USP3: variants seen among roughly 807,000 people sequenced by gnomAD.
The protein encoded by USP3 is ubiquitin carboxyl-terminal hydrolase 3.
A neutral mutation model predicts 72.3 loss-of-function variants in USP3; 20 were observed. The observed-to-expected ratio is 0.28, with a 90% confidence interval of 0.19 to 0.40. The LOEUF is 0.40. Ranked by LOEUF, USP3 falls within the 10% of genes least tolerant of loss-of-function variation. The pLI is 1.00. For missense variants in USP3, 479 were observed against 633.9 expected (o/e 0.76, Z 2.62); for synonymous variants, 222 against 225.3 (o/e 0.99, Z 0.13).
intron 3 of USP3, among the ~76,000 whole-genome samples, chr15:63,545,392 T>C (rs2152665746): frequency 6.6e-6 from 1 of 152,316 alleles, no homozygotes; most frequent in South Asian, 2.1e-4. Flanking sequence ...AGTTTAAAAC[T>C]ACTTTATGAT....
At chr15:63,581,643 C>T (rs1378226301) in intron 11 of USP3, among the ~76,000 whole-genome samples, 1 of 150,702 alleles carries the variant, frequency 6.6e-6, no homozygotes, top group Non-Finnish European at 1.5e-5. Flanking sequence ...GATCCACCTG[C>T]CTCGGCCTCC....
chr15:63,516,546 A>G (rs759341853), intron 1 of USP3, among the ~76,000 whole-genome samples: 1 of 151,836 alleles, frequency 6.6e-6, no homozygotes, highest in Non-Finnish European at 1.5e-5. Context: ...TTTTTATTTT[A>G]CCTTTATACT....
intron 3 of USP3, 126 bp downstream of exon 3, chr15:63,537,282 A>C: frequency 1.7e-6 from 2 of 1,153,908 alleles, no homozygotes; most frequent in South Asian, 4.2e-5. Flanking sequence ...GTTAGGATTC[A>C]CGGAGGACTG....
At chr15:63,527,749 C>G (rs1447595613) in intron 1 of USP3, 1 of 152,216 alleles carries the variant, frequency 6.6e-6, no homozygotes, top group African/African-American at 2.4e-5. Flanking sequence ...CTGGTTTCTG[C>G]TCCGGTCTCT....
rs1336403823 is a variant in USP3, at chr15:63,591,870, A to T, written c.*1044A>T. 1 of 151,840 alleles carries T rather than the reference A, an allele frequency of 6.6e-6. No homozygotes were observed. Among genetic ancestry groups the T allele is most frequent in the African/African-American group, 2.4e-5 (1 of 41,346 alleles). 9.4% of individuals were successfully genotyped at this position (151,840 alleles called of 1,614,324 possible). A position where few individuals can be genotyped will look rare whatever the true frequency, so the allele number is the denominator to read the frequency against. The stretch of plus-strand genomic sequence containing the variant: ...TCTGGCCTATCCTGATTGATAGGAC[A>T]AGTTGAAAATACTGTTGGAGTAAGT... On this transcript the variant is annotated 3_prime_UTR_variant, in exon 15 of 15. Coordinates refer to ENST00000380324, the MANE Select transcript of USP3 (RefSeq NM_006537.4).
At chr15:63,547,638 G>A (rs1010436420) in intron 3 of USP3, among the ~76,000 whole-genome samples, 7 of 151,978 alleles carry the variant, frequency 4.6e-5, no homozygotes, top group Admixed American at 2.0e-4. Context: ...GCTGAGGCAG[G>A]AGGATCGCTT....
At chr15:63,525,030 C>G (rs1179414070) in intron 1 of USP3, among the ~76,000 whole-genome samples, 1 of 152,118 alleles carries the variant, frequency 6.6e-6, no homozygotes. Flanking sequence ...CTGACTTTAC[C>G]AGCAAATGTA....
At chr15:63,515,995 T>C (rs958184516) in intron 1 of USP3, among the ~76,000 whole-genome samples, 2 of 152,240 alleles carry the variant, frequency 1.3e-5, no homozygotes, top group Non-Finnish European at 2.9e-5. Flanking sequence ...CTTGCTGTGG[T>C]AAATGAAGAC....
chr15:63,573,925 G>T (rs1439553837), intron 9 of USP3, 121 bp from the exon 10 acceptor site: 4 of 502,574 alleles, frequency 8.0e-6, no homozygotes, highest in Non-Finnish European at 1.3e-5. Context: ...AGAAATAAAT[G>T]ACTTAAATAT....
rs1402624068 is a variant in USP3 at position 63,553,525 on chromosome 15, T to TA, written c.285-189dup. The TA allele has an allele frequency of 2.3e-6, 1 of 435,506 alleles. No homozygotes were observed. Among genetic ancestry groups the TA allele is most frequent in the Non-Finnish European group, 4.0e-6 (1 of 247,516 alleles). The allele number at this position is 435,506 out of a possible 1,614,324, so 27.0% of individuals were successfully genotyped here. On this transcript the variant is annotated intron_variant, in intron 3 of 14. Transcript: ENST00000380324. The surrounding 1 kb of genome is among the most constrained non-coding windows in gnomAD (Gnocchi z 4.2). ...TGAAAAGAAGCTCATGTTCATTGCC[T>TA]ACGTGGCTTTTAAAAAAGACTCTTG...
rs778137792 is a variant in USP3, at chr15:63,594,399, C to T, written c.*3573C>T. On this transcript the variant is annotated 3_prime_UTR_variant, in exon 15 of 15. Transcript: ENST00000380324. ...TCTGTAGTCCAAGGTCTCTGCGTCT[C>T]GTCAGTGGGTGCAGTGCCTTCCCCC... 1 of 152,264 alleles carries T rather than the reference C, an allele frequency of 6.6e-6. No homozygotes were observed. The highest frequency in any genetic ancestry group is 2.4e-5 in the African/African-American group (1 of 41,446). 9.4% of individuals were successfully genotyped at this position (152,264 alleles called of 1,614,324 possible). A position where few individuals can be genotyped will look rare whatever the true frequency, so the allele number is the denominator to read the frequency against.
At chr15:63,585,337 C>T (rs1456493128) in intron 11 of USP3, among the ~76,000 whole-genome samples, 3 of 152,132 alleles carry the variant, frequency 2.0e-5, no homozygotes, top group Admixed American at 1.3e-4. Flanking sequence ...ATGTTAACAA[C>T]ATCAAGTCTT....
At chr15:63,533,862 TAGA>T in intron 2 of USP3, 1 of 1,237,314 alleles carries the variant, frequency 8.1e-7, no homozygotes, top group South Asian at 1.4e-5. Flanking sequence ...AGAAGAAAAG[TAGA>T]AGCACTTAAA....
In USP3 at chr15:63,590,824, T is replaced by TAATACCTCC; in HGVS notation, c.1562_*7dup. 2 of 1,608,000 alleles carry TAATACCTCC rather than the reference T, an allele frequency of 1.2e-6. No individual in the cohort carries two copies. The highest frequency in any genetic ancestry group is 1.7e-6 in the Non-Finnish European group (2 of 1,177,664). On this transcript the variant is annotated inframe_insertion and stop_retained_variant, in exon 15 of 15. Transcript: ENST00000380324. ...GGCCAAAGCTGGATCGGATAAACTT[T>TAATACCTCC]AATACCTCCTCCAAATCATCATTCA...
rs1254832729 is a variant in USP3, at chr15:63,547,753, GGAGGGAGGGAGAGAGA to G, written c.285-5958_285-5943del. ...GAGAGAGAGAGAGAGAGGGAGGGAG[GGAGGGAGGGAGAGAGA>G]GAGAGAGAGAGAGAGAGAGAGAGAG... On this transcript the variant is annotated intron_variant, in intron 3 of 14. Coordinates refer to ENST00000380324, the MANE Select transcript of USP3 (RefSeq NM_006537.4). 1.0e-3 allele frequency among the ~76,000 whole-genome samples: 42 copies of G among 40,266 alleles called. 1 individual carries two copies. In the East Asian group the frequency reaches 0.017, roughly 16 times the overall value. The allele number at this position is 40,266 out of a possible 152,430, so 26.4% of individuals were successfully genotyped here. A position where few individuals can be genotyped will look rare whatever the true frequency, so the allele number is the denominator to read the frequency against.
intron 3 of USP3, among the ~76,000 whole-genome samples, chr15:63,552,994 A>C (rs1422002979): frequency 6.6e-6 from 1 of 152,228 alleles, no homozygotes; most frequent in Non-Finnish European, 1.5e-5. Context: ...TAATGTGAAC[A>C]AGTTAAAGTT....
In USP3 at chr15:63,588,327, C is replaced by G. The variant is rs757054816; in HGVS notation, c.1119C>G (p.Asp373Glu). ...TAGATTGTCTTCGCAGTTTTACCGA[C>G]TTAGAAGAACTTGATGAGACAGAGT... ...SLRDCLRSFT[D>E]LEELDETELY... Residue 373 changes from aspartate to glutamate, a missense_variant, in exon 12 of 15, where the codon GAC (aspartate) becomes GAG (glutamate). By Grantham distance (45) the Asp-to-Glu change is conservative. Transcript: ENST00000380324. The surrounding 1 kb of genome is among the most constrained non-coding windows in gnomAD (Gnocchi z 4.6). 6.9e-6 allele frequency: 11 copies of G among 1,596,138 alleles called. No homozygotes were observed. Among genetic ancestry groups the G allele is most frequent in the Non-Finnish European group, 8.5e-6 (10 of 1,175,706 alleles).
chr15:63,579,365 G>A (rs2066915927), intron 11 of USP3, among the ~76,000 whole-genome samples: 1 of 152,208 alleles, frequency 6.6e-6, no homozygotes, highest in Non-Finnish European at 1.5e-5. Flanking sequence ...ACATAGCAGT[G>A]GGATAGGAAA....
chr15:63,544,765 C>A lies in USP3; in HGVS notation c.284+7609C>A. On this transcript the variant is annotated intron_variant, in intron 3 of 14. Coordinates refer to ENST00000380324, the MANE Select transcript of USP3 (RefSeq NM_006537.4). The surrounding 1 kb of genome is among the most constrained non-coding windows in gnomAD (Gnocchi z 4.2). ...CATGGTATATGGGATGAAAGCTTAA[C>A]TCTAAAACTAGAGCAGGTAACACTG... 1 of 700,974 alleles carries A rather than the reference C, an allele frequency of 1.4e-6. No homozygotes were observed. 43.4% of individuals were successfully genotyped at this position (700,974 alleles called of 1,614,324 possible).
Sources: allele counts gnomAD v4.1 joint callset (sites outside exome capture counted in the v4.1 genomes callset), GRCh38; gene constraint gnomAD v4.1.1; non-coding constraint Gnocchi (gnomAD v3.1); transcripts MANE v1.5; gene names NCBI Gene and HGNC (gene_info 2026-07-23, HGNC 2026-07-21).